Variants in PRMT8 observed in about 807,000 individuals in gnomAD.
The protein encoded by PRMT8 is protein arginine methyltransferase 8.
A neutral mutation model predicts 47.1 loss-of-function variants in PRMT8; 7 were observed. The ratio of observed to expected loss-of-function variants is 0.15; its 90% CI spans 0.08 to 0.28. The LOEUF (loss-of-function observed/expected upper bound fraction) is 0.28. PRMT8 is among the 10% of genes least tolerant of loss of function. PRMT8 has a pLI of 1.00. For missense variants in PRMT8, 237 were observed against 505.4 expected, an observed-to-expected ratio of 0.47 and a Z score of 5.09; for synonymous variants, 188 against 186.5, an observed-to-expected ratio of 1.01 and a Z score of -0.07.
At chr12:3,498,698 CA>C (rs1329126711) in intron 1 of PRMT8, among the ~76,000 whole-genome samples, 1 of 152,158 alleles carries the variant, frequency 6.6e-6, no homozygotes, top group African/African-American at 2.4e-5. Flanking sequence ...GACTCTCATC[CA>C]GCTACTTTAT....
Position 3,552,642 on chromosome 12 carries a change from C to A in PRMT8, c.418-1009C>A. 1 of 439,616 alleles carries A rather than the reference C, an allele frequency of 2.3e-6. No homozygotes were observed. Among genetic ancestry groups the A allele is most frequent in the Non-Finnish European group, 4.6e-6 (1 of 216,904 alleles). 27.2% of individuals were successfully genotyped at this position (439,616 alleles called of 1,614,324 possible). ...GGCTGGTTCTCCTGGGACCTGCACCCTGGCTGGAGTCGGCCTCCTTGGATG... is the reference window on the plus strand; with the variant it reads ...GGCTGGTTCTCCTGGGACCTGCACCATGGCTGGAGTCGGCCTCCTTGGATG... On this transcript the variant is annotated intron_variant, in intron 3 of 9. Transcript: ENST00000382622. This position sits in a 1 kb window ranked among gnomAD's most constrained non-coding sequence, Gnocchi z 4.5.
rs1356567493 is a variant in PRMT8, at chr12:3,580,297, C to A, written c.829-2761C>A. 6.6e-6 allele frequency among the ~76,000 whole-genome samples: 1 copy of A among 151,578 alleles called. No individual in the cohort carries two copies. Among genetic ancestry groups the A allele is most frequent in the Non-Finnish European group, 1.5e-5 (1 of 67,966 alleles). ...TTGATGGACATCTGACAGCAAGATC[C>A]TTTAGAGGTGGAATTCCTGCCAGAT... On this transcript the variant is annotated intron_variant, in intron 7 of 9. Transcript: ENST00000382622. This position sits in a 1 kb window ranked among gnomAD's most constrained non-coding sequence, Gnocchi z 4.6.
chr12:3,484,779 T>C (rs1865306582), intron 1 of PRMT8, among the ~76,000 whole-genome samples: 1 of 152,218 alleles, frequency 6.6e-6, no homozygotes. Context: ...ATAGGCTCCA[T>C]TGGGAGGTTT....
chr12:3,453,051 C>A lies in PRMT8; in HGVS notation c.48+71609C>A, dbSNP rs1371306837. The stretch of plus-strand genomic sequence containing the variant: ...GAGGGGAGGGAAGCTAAACCCTGGA[C>A]TGGGATCACATGAAAGGAGATGAAA... On this transcript the variant is annotated intron_variant, in intron 1 of 9. Transcript: ENST00000452611. The surrounding 1 kb of genome is among the most constrained non-coding windows in gnomAD (Gnocchi z 4.9). Among the ~76,000 whole-genome samples, 3 of 152,156 alleles carry A rather than the reference C, an allele frequency of 2.0e-5. No individual in the cohort carries two copies. The highest frequency in any genetic ancestry group is 7.2e-5 in the African/African-American group (3 of 41,422).
intron 1 of PRMT8, among the ~76,000 whole-genome samples, chr12:3,513,563 T>A (rs1305505435): frequency 6.6e-6 from 1 of 152,186 alleles, no homozygotes; most frequent in African/African-American, 2.4e-5. Context: ...TTTCCTTCTG[T>A]TACTTCTACT....
chr12:3,410,913 A>C (rs1428401575), intron 1 of PRMT8, among the ~76,000 whole-genome samples: 1 of 152,184 alleles, frequency 6.6e-6, no homozygotes, highest in Non-Finnish European at 1.5e-5. Flanking sequence ...TTTAAGTTCT[A>C]AACATTGTGT....
At chr12:3,404,909 G>A (rs192566901) in intron 1 of PRMT8, among the ~76,000 whole-genome samples, 4 of 152,260 alleles carry the variant, frequency 2.6e-5, no homozygotes, top group Non-Finnish European at 2.9e-5. Flanking sequence ...TTTATCCTGA[G>A]TAATGTTTTT....
intron 1 of PRMT8, among the ~76,000 whole-genome samples, chr12:3,424,814 T>TACTTG (rs1347798910): frequency 6.6e-6 from 1 of 152,230 alleles, no homozygotes; most frequent in Non-Finnish European, 1.5e-5. Flanking sequence ...TGACTTGATG[T>TACTTG]ATATACTGGG....
intron 1 of PRMT8, among the ~76,000 whole-genome samples, chr12:3,464,255 A>G (rs1332264265): frequency 6.6e-6 from 1 of 151,596 alleles, no homozygotes; most frequent in Non-Finnish European, 1.5e-5. Context: ...TTGTTTCCCC[A>G]GTTATGAATC....
At chr12:3,498,224 C>T (rs1039658210) in intron 1 of PRMT8, among the ~76,000 whole-genome samples, 1 of 152,212 alleles carries the variant, frequency 6.6e-6, no homozygotes, top group Non-Finnish European at 1.5e-5. Flanking sequence ...GTTATTTGCT[C>T]AAAATCCCAC....
chr12:3,419,508 C>T (rs1565402818), intron 1 of PRMT8, among the ~76,000 whole-genome samples: 2 of 152,194 alleles, frequency 1.3e-5, no homozygotes, highest in East Asian at 3.9e-4. Flanking sequence ...GAGCTCCCAG[C>T]TTCCCAAGCG....
At chr12:3,518,957 T>G (rs1439738902) in intron 1 of PRMT8, among the ~76,000 whole-genome samples, 1 of 152,078 alleles carries the variant, frequency 6.6e-6, no homozygotes, top group Non-Finnish European at 1.5e-5. Context: ...AATTAAAAAT[T>G]ACTAAAGGAA....
At chr12:3,540,944 G>A (rs1403299226) in intron 2 of PRMT8, among the ~76,000 whole-genome samples, 153 bp downstream of exon 2, 3 of 152,176 alleles carry the variant, frequency 2.0e-5, no homozygotes, top group African/African-American at 7.2e-5. Flanking sequence ...AATCCGGGGG[G>A]CCCCTCTGGG....
intron 1 of PRMT8, among the ~76,000 whole-genome samples, chr12:3,447,232 A>G (rs1227515455): frequency 6.6e-6 from 1 of 152,208 alleles, no homozygotes; most frequent in African/African-American, 2.4e-5. Flanking sequence ...AGGCGCTTGT[A>G]TCTGTGCACC....
chr12:3,437,698 G>A (rs901375022), intron 1 of PRMT8, among the ~76,000 whole-genome samples: 1 of 151,368 alleles, frequency 6.6e-6, no homozygotes, highest in African/African-American at 2.4e-5. Context: ...TAACACGGGG[G>A]CTTTTGGTGT....
chr12:3,411,993 T>C (rs1864435789), intron 1 of PRMT8, among the ~76,000 whole-genome samples: 1 of 152,246 alleles, frequency 6.6e-6, no homozygotes. Context: ...AATCAAAGAT[T>C]GAAGATACAG....
chr12:3,515,535 A>T (rs113855493), intron 1 of PRMT8, among the ~76,000 whole-genome samples: 104 of 152,370 alleles, frequency 6.8e-4, no homozygotes, highest in African/African-American at 2.5e-3. Flanking sequence ...ATAAAAAAAA[A>T]GAAATGCAAA....
rs1867041351 is a variant in PRMT8 at position 3,580,560 on chromosome 12, C to T, written c.829-2498C>T. ...TGAGAAGAAGATTGATGAGTCAACACATATTGCTGTGTATTAGGTGCTGCT... is the reference window on the plus strand; with the variant it reads ...TGAGAAGAAGATTGATGAGTCAACATATATTGCTGTGTATTAGGTGCTGCT... On this transcript the variant is annotated intron_variant, in intron 7 of 9. Coordinates refer to ENST00000382622, the MANE Select transcript of PRMT8 (RefSeq NM_019854.5). This position sits in a 1 kb window ranked among gnomAD's most constrained non-coding sequence, Gnocchi z 4.6. 6.6e-6 allele frequency among the ~76,000 whole-genome samples: 1 copy of T among 152,168 alleles called. No homozygotes were observed. The highest frequency in any genetic ancestry group is 2.4e-5 in the African/African-American group (1 of 41,426).
At chr12:3,425,327 G>A (rs1027896341) in intron 1 of PRMT8, among the ~76,000 whole-genome samples, 2 of 152,232 alleles carry the variant, frequency 1.3e-5, no homozygotes, top group African/African-American at 4.8e-5. Flanking sequence ...TGCTAGCAGG[G>A]CTATTGCTGG....
Sources: gnomAD v4.1 joint callset for allele counts (sites outside exome capture counted in the v4.1 genomes callset) on GRCh38, gnomAD v4.1.1 for gene constraint, Gnocchi (gnomAD v3.1) non-coding constraint, MANE v1.5 for transcripts, NCBI Gene and HGNC (gene_info 2026-07-23, HGNC 2026-07-21) for gene names.